KAZN: variants seen among roughly 807,000 people sequenced by gnomAD.
KAZN encodes kazrin.
In KAZN, 40 loss-of-function variants were observed where a neutral mutation model predicts 87.4. The observed-to-expected ratio is 0.46, with a 90% CI of 0.36 to 0.60. The LOEUF (loss-of-function observed/expected upper bound fraction) is 0.60. Among genes scored for constraint, KAZN ranks in the 20% least tolerant of loss-of-function variants. The pLI is 0.00. For missense variants in KAZN, 898 were observed against 1,073.9 expected (o/e 0.84, Z 2.29); for synonymous variants, 466 against 458.3 (o/e 1.02, Z -0.22).
intron 2 of KAZN, among the ~76,000 whole-genome samples, chr1:15,033,981 C>G (rs1573122931): frequency 6.6e-6 from 1 of 152,252 alleles, no homozygotes; most frequent in African/African-American, 2.4e-5. Context: ...CTCAAGTGAT[C>G]GGCCTGCCTC....
intron 2 of KAZN, among the ~76,000 whole-genome samples, chr1:14,348,006 C>G (rs967406072): frequency 2.0e-5 from 3 of 150,808 alleles, no homozygotes; most frequent in Non-Finnish European, 4.4e-5. Context: ...CCACCTCAGC[C>G]TCCTGAGAGC....
chr1:14,793,814 G>C (rs933337796), intron 1 of KAZN, among the ~76,000 whole-genome samples: 1 of 152,124 alleles, frequency 6.6e-6, no homozygotes, highest in African/African-American at 2.4e-5. Flanking sequence ...TTTGTATTTG[G>C]AAGCCAGTGA....
chr1:14,396,979 A>T lies in KAZN; in HGVS notation c.250-202004A>T, dbSNP rs567007386. Among the ~76,000 whole-genome samples the T allele has an allele frequency of 7.9e-5, 12 of 152,096 alleles. No individual in the cohort carries two copies. The South Asian group carries it at 2.5e-3, about 31-fold the overall frequency. ...ATAGAAAGTTTATGTCTCCATCTCTATTCCTACCTACTTCTCCTTCAGTGA... is the reference window on the plus strand; with the variant it reads ...ATAGAAAGTTTATGTCTCCATCTCTTTTCCTACCTACTTCTCCTTCAGTGA... On this transcript the variant is annotated intron_variant, in intron 2 of 16. Transcript: ENST00000636203.
At chr1:14,309,254 C>T (rs1222487155) in intron 2 of KAZN, among the ~76,000 whole-genome samples, 1 of 152,134 alleles carries the variant, frequency 6.6e-6, no homozygotes, top group Non-Finnish European at 1.5e-5. Flanking sequence ...TCAGATGCCA[C>T]CCATTTATCT....
intron 2 of KAZN, among the ~76,000 whole-genome samples, chr1:14,340,601 G>A (rs533230924): frequency 4.0e-4 from 61 of 152,294 alleles, no homozygotes; most frequent in African/African-American, 1.4e-3. Context: ...CACCTCTGCA[G>A]GTTATCTGAC....
At chr1:14,686,657 G>T (rs1170768168) in intron 1 of KAZN, among the ~76,000 whole-genome samples, 1 of 152,232 alleles carries the variant, frequency 6.6e-6, no homozygotes, top group Non-Finnish European at 1.5e-5. Flanking sequence ...CCCTCCCTCA[G>T]CTTTGCCTAA....
chr1:15,040,206 T>C (rs925033068), intron 3 of KAZN, among the ~76,000 whole-genome samples: 4 of 152,180 alleles, frequency 2.6e-5, no homozygotes, highest in African/African-American at 9.7e-5. Context: ...TCTTCCAAGA[T>C]CTTGCAGCTG....
intron 8 of KAZN, among the ~76,000 whole-genome samples, chr1:15,078,676 G>A (rs1407922810): frequency 6.6e-6 from 1 of 152,186 alleles, no homozygotes; most frequent in Non-Finnish European, 1.5e-5. Context: ...CCCATGCTGT[G>A]GCTCTGGCTG....
chr1:14,413,260 TTA>T (rs1664450752), intron 2 of KAZN, among the ~76,000 whole-genome samples: 1 of 151,770 alleles, frequency 6.6e-6, no homozygotes, highest in African/African-American at 2.4e-5. Context: ...AATAATTAAA[TTA>T]GACCTTTACC....
intron 2 of KAZN, among the ~76,000 whole-genome samples, chr1:14,980,595 T>G (rs1042489851): frequency 6.6e-6 from 1 of 152,128 alleles, no homozygotes; most frequent in East Asian, 1.9e-4. Context: ...TGCTCCAGGC[T>G]CATCTGCATA....
chr1:14,426,742 C>T (rs1245885995), intron 2 of KAZN, among the ~76,000 whole-genome samples: 1 of 152,164 alleles, frequency 6.6e-6, no homozygotes, highest in Non-Finnish European at 1.5e-5. Context: ...CCGCTCCATC[C>T]AGTGCCTCCC....
chr1:14,149,426 C>G lies in KAZN; in HGVS notation c.92-31009C>G, dbSNP rs547685345. ...CTGGCCACAACCTTTCAATTAATCTCCTTCTTTTAGGTGCACAGTTCACTC... is the reference window on the plus strand; with the variant it reads ...CTGGCCACAACCTTTCAATTAATCTGCTTCTTTTAGGTGCACAGTTCACTC... On this transcript the variant is annotated intron_variant, in intron 1 of 16. Coordinates refer to the KAZN transcript ENST00000636203. 7.4e-4 allele frequency among the ~76,000 whole-genome samples: 112 copies of G among 152,082 alleles called. 1 individual carries two copies. The highest frequency in any genetic ancestry group is 2.9e-3 in the South Asian group (14 of 4,808).
At chr1:14,325,340 C>G (rs1656334185) in intron 2 of KAZN, among the ~76,000 whole-genome samples, 1 of 152,122 alleles carries the variant, frequency 6.6e-6, no homozygotes, top group Non-Finnish European at 1.5e-5. Flanking sequence ...ATGCTGCCAC[C>G]TGACTACAGT....
chr1:14,133,154 G>A (rs186545618), intron 1 of KAZN, among the ~76,000 whole-genome samples: 5 of 152,166 alleles, frequency 3.3e-5, no homozygotes, highest in African/African-American at 7.2e-5. Flanking sequence ...GGATCATGAG[G>A]TCAAGAGATT....
intron 2 of KAZN, among the ~76,000 whole-genome samples, chr1:14,425,845 G>A (rs1435714666): frequency 6.6e-6 from 1 of 152,136 alleles, no homozygotes; most frequent in Admixed American, 6.5e-5. Context: ...GGCTAGTGGG[G>A]GTGGAAATGA....
intron 1 of KAZN, among the ~76,000 whole-genome samples, chr1:13,971,595 G>GTT (rs34600098): frequency 1.4e-5 from 2 of 144,702 alleles, no homozygotes; most frequent in East Asian, 2.3e-4. Context: ...ATCTTGTGAG[G>GTT]TTTTTTTTTT....
At chr1:15,082,592 G>T (rs1201139138) in intron 8 of KAZN, among the ~76,000 whole-genome samples, 1 of 152,232 alleles carries the variant, frequency 6.6e-6, no homozygotes, top group East Asian at 1.9e-4. Context: ...GGGACATGCG[G>T]GACCAGGATG....
At chr1:14,164,656 T>G (rs1414515006) in intron 1 of KAZN, among the ~76,000 whole-genome samples, 5 of 147,980 alleles carry the variant, frequency 3.4e-5, no homozygotes, top group African/African-American at 1.2e-4. Flanking sequence ...TTCTCCTGCC[T>G]CAGCCTCCGA....
intron 2 of KAZN, among the ~76,000 whole-genome samples, chr1:14,313,617 A>T (rs1655455480): frequency 6.6e-6 from 1 of 152,094 alleles, no homozygotes; most frequent in Non-Finnish European, 1.5e-5. Context: ...TTCTGGGCCA[A>T]AGTTTCTTGT....
Sources: gnomAD v4.1 joint callset for allele counts (sites outside exome capture counted in the v4.1 genomes callset) on GRCh38, gnomAD v4.1.1 for gene constraint, MANE v1.5 for transcripts, NCBI Gene and HGNC (gene_info 2026-07-23, HGNC 2026-07-21) for gene names.